Variants in SHQ1 observed in about 807,000 individuals in gnomAD.
SHQ1 encodes the protein protein SHQ1 homolog.
SHQ1 carries 49 observed loss-of-function variants against 53.8 expected under a neutral mutation model. The observed-to-expected ratio is 0.91, with a 90% CI of 0.72 to 1.16. SHQ1 has a LOEUF of 1.16. Ranked by LOEUF, SHQ1 falls within the 50% of genes most tolerant of loss-of-function variation. The pLI is 0.00. For synonymous variants in SHQ1, 243 were observed against 251.0 expected, an observed-to-expected ratio of 0.97 and a Z score of 0.30; for missense variants, 738 against 683.1, an observed-to-expected ratio of 1.08 and a Z score of -0.90.
intron 10 of SHQ1, among the ~76,000 whole-genome samples, chr3:72,774,794 A>G (rs1199996350): frequency 6.6e-6 from 1 of 152,210 alleles, no homozygotes; most frequent in Admixed American, 6.5e-5. Context: ...AAGTAATGAA[A>G]TAGAAGACAG....
At chr3:72,833,852 T>C (rs1244352120) in intron 4 of SHQ1, among the ~76,000 whole-genome samples, 1 of 152,224 alleles carries the variant, frequency 6.6e-6, no homozygotes, top group Non-Finnish European at 1.5e-5. Context: ...CTTTCTTCTG[T>C]CTCACTACTC....
chr3:72,808,556 T>C (rs1707023865), intron 9 of SHQ1, among the ~76,000 whole-genome samples: 1 of 152,114 alleles, frequency 6.6e-6, no homozygotes, highest in Non-Finnish European at 1.5e-5. Flanking sequence ...TTCACAGGAC[T>C]GCAATATGAG....
chr3:72,742,081 G>T, the SHQ1 span, among the ~76,000 whole-genome samples: 1 of 151,898 alleles, frequency 6.6e-6, no homozygotes, highest in African/African-American at 2.4e-5. Flanking sequence ...TATGCATCTG[G>T]GTGTGGTGGC....
intron 4 of SHQ1, among the ~76,000 whole-genome samples, chr3:72,835,855 T>C (rs1043222508): frequency 2.0e-5 from 3 of 152,238 alleles, no homozygotes; most frequent in African/African-American, 7.2e-5. Flanking sequence ...CTGGGCATCC[T>C]AGCCAAAGTA....
In SHQ1 at chr3:72,823,134, G is replaced by A. The variant is rs527739537; in HGVS notation, c.727+1290C>T. 5.8e-4 allele frequency among the ~76,000 whole-genome samples: 78 copies of A among 135,450 alleles called. No homozygotes were observed. In the South Asian group the frequency reaches 0.015, roughly 26 times the overall value. The allele number at this position is 135,450 out of a possible 152,430, so 88.9% of individuals were successfully genotyped here. A position where few individuals can be genotyped will look rare whatever the true frequency, so the allele number is the denominator to read the frequency against. ...ACTGCACTCCAGCCTGGGCGACAGA[G>A]CAAGACTCCGTCTCAAAAAAAAAAA... On this transcript the variant is annotated intron_variant, in intron 6 of 10. Coordinates refer to ENST00000325599, the MANE Select transcript of SHQ1 (RefSeq NM_018130.3).
At chr3:72,834,245 C>T (rs1707924592) in intron 4 of SHQ1, among the ~76,000 whole-genome samples, 1 of 152,210 alleles carries the variant, frequency 6.6e-6, no homozygotes. Flanking sequence ...GTCACTGGAA[C>T]AGGCCGGGCC....
At chr3:72,730,565 G>A in the SHQ1 span, among the ~76,000 whole-genome samples, 2 of 152,174 alleles carry the variant, frequency 1.3e-5, no homozygotes, top group African/African-American at 4.8e-5. Context: ...ACTGTTATTG[G>A]TTCTTGGGGA....
the SHQ1 span, among the ~76,000 whole-genome samples, chr3:72,727,271 C>T: frequency 2.0e-5 from 3 of 152,164 alleles, no homozygotes; most frequent in African/African-American, 4.8e-5. Context: ...AATCAGTAAA[C>T]CATACACAAA....
At chr3:72,765,640 G>A (rs940683486) in intron 10 of SHQ1, among the ~76,000 whole-genome samples, 11 of 144,262 alleles carry the variant, frequency 7.6e-5, no homozygotes, top group Non-Finnish European at 1.5e-4. Context: ...TGCAACCTCC[G>A]CCTCCCAGAT....
chr3:72,812,900 A>G, intron 8 of SHQ1, 106 bp from the exon 9 acceptor site: 2 of 1,288,412 alleles, frequency 1.6e-6, no homozygotes, highest in Non-Finnish European at 2.2e-6. Context: ...GCAAGTTCGG[A>G]TCATTGTGAA....
intron 1 of SHQ1, among the ~76,000 whole-genome samples, chr3:72,844,689 T>C (rs1221223979): frequency 1.3e-5 from 2 of 152,208 alleles, no homozygotes; most frequent in Admixed American, 6.5e-5. Flanking sequence ...TAAATAGTAG[T>C]TATCACTATT....
chr3:72,772,628 T>C (rs1438692641), intron 10 of SHQ1: 4 of 705,012 alleles, frequency 5.7e-6, no homozygotes, highest in African/African-American at 1.8e-5. Context: ...TATATTATTG[T>C]ACAAAAGGAA....
intron 10 of SHQ1, among the ~76,000 whole-genome samples, chr3:72,762,161 A>G (rs983973251): frequency 2.0e-5 from 3 of 152,172 alleles, no homozygotes; most frequent in African/African-American, 7.2e-5. Context: ...ACACACATCC[A>G]TTTTTTGAGA....
At chr3:72,817,429 GT>G in intron 6 of SHQ1, 45 bp from the exon 7 acceptor site, 1 of 1,529,378 alleles carries the variant, frequency 6.5e-7, no homozygotes, top group Non-Finnish European at 8.9e-7. Context: ...ATTCAGTTTT[GT>G]AAAACTCCCA....
intron 10 of SHQ1, among the ~76,000 whole-genome samples, chr3:72,761,715 C>T (rs1705613531): frequency 6.6e-6 from 1 of 152,042 alleles, no homozygotes; most frequent in South Asian, 2.1e-4. Flanking sequence ...TATTATTATC[C>T]CTACTGGTAA....
At chr3:72,737,162 T>C in the SHQ1 span, among the ~76,000 whole-genome samples, 9 of 151,064 alleles carry the variant, frequency 6.0e-5, no homozygotes, top group Non-Finnish European at 8.9e-5. Context: ...TCTGTAGTCC[T>C]AGCTACTCAG....
chr3:72,809,319 G>A (rs1288759723), intron 9 of SHQ1, among the ~76,000 whole-genome samples: 5 of 152,128 alleles, frequency 3.3e-5, no homozygotes, highest in Non-Finnish European at 7.3e-5. Flanking sequence ...GACTCCTCTT[G>A]TGACTAGAAG....
chr3:72,775,742 C>T (rs1245986372), intron 10 of SHQ1, among the ~76,000 whole-genome samples: 2 of 151,656 alleles, frequency 1.3e-5, no homozygotes, highest in Non-Finnish European at 2.9e-5. Flanking sequence ...CGAATTTGTT[C>T]GAAATTTTAC....
chr3:72,742,260 C>T, the SHQ1 span, among the ~76,000 whole-genome samples: 1 of 150,634 alleles, frequency 6.6e-6, no homozygotes, highest in South Asian at 2.1e-4. Context: ...GCTGCTATAA[C>T]ACAACAGAGG....
Sources: gnomAD v4.1 joint callset for allele counts (sites outside exome capture counted in the v4.1 genomes callset) on GRCh38, gnomAD v4.1.1 for gene constraint, MANE v1.5 for transcripts, NCBI Gene and HGNC (gene_info 2026-07-23, HGNC 2026-07-21) for gene names.